The following MYOCOS variants were observed in gnomAD, a reference collection of about 807,000 sequenced individuals.
MYOCOS encodes myocilin opposite strand.
At chr1:171,602,457 A>G (rs999790808) in intron 1 of MYOCOS, among the ~76,000 whole-genome samples, 11 of 152,210 alleles carry the variant, frequency 7.2e-5, no homozygotes, top group African/African-American at 2.7e-4. Flanking sequence ...TTAATTGTAA[A>G]GAAAATTCTG....
chr1:171,616,082 T>C (rs867397266), intron 2 of MYOCOS, among the ~76,000 whole-genome samples: 3 of 151,228 alleles, frequency 2.0e-5, no homozygotes, highest in African/African-American at 7.3e-5. Flanking sequence ...CCAGGCATGG[T>C]GGCACATGCT....
intron 1 of MYOCOS, among the ~76,000 whole-genome samples, chr1:171,606,352 T>C (rs971655868): frequency 1.3e-5 from 2 of 151,966 alleles, no homozygotes; most frequent in African/African-American, 4.8e-5. Flanking sequence ...AAGGAGGAAA[T>C]GAGGGAAGAG....
chr1:171,609,478 A>G (rs928891816), intron 1 of MYOCOS, among the ~76,000 whole-genome samples: 1 of 152,154 alleles, frequency 6.6e-6, no homozygotes, highest in Non-Finnish European at 1.5e-5. Flanking sequence ...GGGAACCTCT[A>G]AACATCCAGG....
chr1:171,609,198 T>C (rs1419898699), intron 1 of MYOCOS, among the ~76,000 whole-genome samples: 1 of 152,230 alleles, frequency 6.6e-6, no homozygotes, highest in Admixed American at 6.5e-5. Context: ...TGCCTTTCTA[T>C]GACTGGAAGC....
chr1:171,601,635 G>A (rs746649172), intron 1 of MYOCOS, among the ~76,000 whole-genome samples: 2 of 152,202 alleles, frequency 1.3e-5, no homozygotes, highest in Non-Finnish European at 2.9e-5. Flanking sequence ...GCCAGCATTA[G>A]AGGTGGGTTG....
chr1:171,624,723 A>T (rs1048459493), intron 2 of MYOCOS, among the ~76,000 whole-genome samples: 3 of 152,186 alleles, frequency 2.0e-5, no homozygotes, highest in African/African-American at 7.2e-5. Flanking sequence ...CTGGGATTAC[A>T]GGCGTGAGCG....
chr1:171,617,295 T>C (rs1652467889), upstream of MYOCOS, among the ~76,000 whole-genome samples: 1 of 152,124 alleles, frequency 6.6e-6, no homozygotes, highest in African/African-American at 2.4e-5. Context: ...GCATGATAAG[T>C]GGTGTAGTTA....
chr1:171,618,281 A>T (rs1652486212), upstream of MYOCOS, among the ~76,000 whole-genome samples: 1 of 152,230 alleles, frequency 6.6e-6, no homozygotes, highest in Non-Finnish European at 1.5e-5. Flanking sequence ...AGCTGATAGT[A>T]CACTTGATGG....
upstream of MYOCOS, among the ~76,000 whole-genome samples, chr1:171,618,386 CT>C (rs1361873517): frequency 6.6e-6 from 1 of 152,216 alleles, no homozygotes; most frequent in Non-Finnish European, 1.5e-5. Context: ...TTTGCAGAGA[CT>C]GAGAATAACC....
At chr1:171,604,958 A>C (rs1652217043) in intron 1 of MYOCOS, among the ~76,000 whole-genome samples, 1 of 152,208 alleles carries the variant, frequency 6.6e-6, no homozygotes, top group Non-Finnish European at 1.5e-5. Context: ...ATTGATGAAA[A>C]AGGACTAGAT....
At chr1:171,620,796 G>C (rs1214197068), upstream of MYOCOS, among the ~76,000 whole-genome samples, 1 of 120,822 alleles carries the variant, frequency 8.3e-6, no homozygotes, top group Non-Finnish European at 1.6e-5. Context: ...TTTTTGAGAC[G>C]GAGTCTCGTT....
At chr1:171,625,990 A>G (rs1444928838) in intron 2 of MYOCOS, among the ~76,000 whole-genome samples, 1 of 152,196 alleles carries the variant, frequency 6.6e-6, no homozygotes, top group African/African-American at 2.4e-5. Flanking sequence ...TCATTTCTGC[A>G]AGGTGAGTAT....
upstream of MYOCOS, among the ~76,000 whole-genome samples, chr1:171,619,956 C>T (rs1334927620): frequency 1.3e-5 from 2 of 151,086 alleles, no homozygotes; most frequent in Admixed American, 1.3e-4. Flanking sequence ...CAACATCAGA[C>T]TCCAAGTTCT....
chr1:171,624,758 A>AT (rs1199566019), intron 2 of MYOCOS, among the ~76,000 whole-genome samples: 14 of 151,294 alleles, frequency 9.3e-5, no homozygotes, highest in Admixed American at 8.6e-4. Context: ...GTTTTTTTGT[A>AT]TTTTTAATAG....
At chr1:171,621,374 G>GTTTTTTTT (rs397974158), upstream of MYOCOS, among the ~76,000 whole-genome samples, 3 of 115,150 alleles carry the variant, frequency 2.6e-5, 1 homozygote, top group Non-Finnish European at 1.7e-5. Context: ...TCTATGGTGG[G>GTTTTTTTT]TTTTTTTTTT....
chr1:171,618,055 G>A (rs1402489801), upstream of MYOCOS, among the ~76,000 whole-genome samples: 1 of 152,242 alleles, frequency 6.6e-6, no homozygotes, highest in Non-Finnish European at 1.5e-5. Flanking sequence ...ATGTGTTGGA[G>A]GTTTGAGGAC....
intron 1 of MYOCOS, among the ~76,000 whole-genome samples, chr1:171,607,545 T>C (rs775342834): frequency 3.3e-5 from 5 of 152,190 alleles, no homozygotes; most frequent in African/African-American, 4.8e-5. Flanking sequence ...ACTTCTAAAA[T>C]GTGGTTCTCT....
intron 2 of MYOCOS, among the ~76,000 whole-genome samples, chr1:171,615,162 T>C (rs1043295944): frequency 2.6e-5 from 4 of 152,180 alleles, no homozygotes; most frequent in African/African-American, 9.6e-5. Flanking sequence ...GACATGTTTT[T>C]AAAAGAGTGC....
intron 1 of MYOCOS, among the ~76,000 whole-genome samples, chr1:171,611,420 A>T (rs962105653): frequency 5.9e-5 from 9 of 152,254 alleles, no homozygotes; most frequent in African/African-American, 2.2e-4. Flanking sequence ...TTCAGGATCT[A>T]ATAGAACTAC....
Sources: gnomAD v4.1 joint callset for allele counts (sites outside exome capture counted in the v4.1 genomes callset) on GRCh38, gnomAD v4.1.1 for gene constraint, MANE v1.5 for transcripts, NCBI Gene and HGNC (gene_info 2026-07-23, HGNC 2026-07-21) for gene names.